SCD5: variants seen among roughly 807,000 people sequenced by gnomAD.
SCD5 encodes the protein stearoyl-CoA desaturase 5.
In SCD5, 20 loss-of-function variants were observed where a neutral mutation model predicts 30.4. The ratio of observed to expected loss-of-function variants is 0.66; its 90% CI spans 0.46 to 0.96. The LOEUF is 0.96. SCD5 is among the 40% of genes least tolerant of loss of function. The pLI is 0.00. For missense variants in SCD5, 381 were observed against 443.3 expected (o/e 0.86, Z 1.26); for synonymous variants, 173 against 176.4 (o/e 0.98, Z 0.16).
rs117464255 is a variant in SCD5, at chr4:82,727,770, C to T, written c.233-22357G>A. Reference sequence around the variant, plus strand: ...CGCCCAGACTGGAGTGCAGTGACCGCGATCTCGGTTCACTGCAACCTCCTC... The same window carrying T: ...CGCCCAGACTGGAGTGCAGTGACCGTGATCTCGGTTCACTGCAACCTCCTC... On this transcript the variant is annotated intron_variant, in intron 1 of 4. Transcript: ENST00000319540. 1.5e-4 allele frequency among the ~76,000 whole-genome samples: 23 copies of T among 152,260 alleles called. No homozygotes were observed. The East Asian group carries it at 3.5e-3, about 23-fold the overall frequency.
At chr4:82,754,956 C>T (rs1054744240) in intron 1 of SCD5, among the ~76,000 whole-genome samples, 1 of 152,144 alleles carries the variant, frequency 6.6e-6, no homozygotes, top group Non-Finnish European at 1.5e-5. Context: ...CCAAGCCCAC[C>T]ATGGACAGAG....
chr4:82,704,638 G>A (rs868192808), intron 2 of SCD5, among the ~76,000 whole-genome samples: 1 of 152,158 alleles, frequency 6.6e-6, no homozygotes, highest in African/African-American at 2.4e-5. Flanking sequence ...TATTTTTACA[G>A]ATTAAGAAAC....
intron 2 of SCD5, among the ~76,000 whole-genome samples, chr4:82,689,057 A>C (rs1728774038): frequency 6.6e-6 from 1 of 152,188 alleles, no homozygotes; most frequent in African/African-American, 2.4e-5. Flanking sequence ...TTGAGGGGGA[A>C]GAAAGGGCCT....
At chr4:82,683,779 A>C (rs1285848205) in intron 2 of SCD5, among the ~76,000 whole-genome samples, 10 of 152,122 alleles carry the variant, frequency 6.6e-5, no homozygotes, top group Non-Finnish European at 1.0e-4. Flanking sequence ...GATGGTTTAA[A>C]AGTGTGTGGC....
intron 2 of SCD5, among the ~76,000 whole-genome samples, chr4:82,681,145 G>A (rs1462929661): frequency 6.6e-5 from 10 of 152,182 alleles, no homozygotes; most frequent in East Asian, 1.9e-4. Context: ...CGTGTGGGAC[G>A]TACCCACTGC....
At chr4:82,679,430 A>G (rs1401527143) in intron 3 of SCD5, among the ~76,000 whole-genome samples, 4 of 152,142 alleles carry the variant, frequency 2.6e-5, no homozygotes, top group African/African-American at 9.7e-5. Flanking sequence ...CTACAGTGAA[A>G]CCAACAGAAA....
At chr4:82,759,608 G>A in intron 1 of SCD5, among the ~76,000 whole-genome samples, 1 of 146,292 alleles carries the variant, frequency 6.8e-6, no homozygotes. Context: ...GATTTCAGGT[G>A]TTCCTGTCCA....
chr4:82,798,187 G>C, intron 1 of SCD5, 119 bp downstream of exon 1: 1 of 1,077,836 alleles, frequency 9.3e-7, no homozygotes, highest in Non-Finnish European at 1.1e-6. Context: ...AGCGGGAGGC[G>C]AGGGGAGACC....
intron 3 of SCD5, among the ~76,000 whole-genome samples, chr4:82,640,034 C>T (rs1170788734): frequency 1.3e-5 from 2 of 152,182 alleles, no homozygotes; most frequent in Non-Finnish European, 2.9e-5. Flanking sequence ...GCCCCAGGCA[C>T]AGGGAGGTGC....
chr4:82,785,381 A>G (rs1366579085), intron 1 of SCD5, among the ~76,000 whole-genome samples: 2 of 152,242 alleles, frequency 1.3e-5, no homozygotes, highest in African/African-American at 2.4e-5. Flanking sequence ...GCTTTAAGAC[A>G]TCAAAGGAAT....
chr4:82,785,812 T>A (rs987271670), intron 1 of SCD5, among the ~76,000 whole-genome samples: 33 of 152,284 alleles, frequency 2.2e-4, no homozygotes, highest in Admixed American at 2.1e-3. Context: ...GGGGGAGATA[T>A]GTAGGCATTA....
chr4:82,671,462 A>T (rs1728321649), intron 3 of SCD5, among the ~76,000 whole-genome samples: 1 of 152,190 alleles, frequency 6.6e-6, no homozygotes, highest in Non-Finnish European at 1.5e-5. Context: ...CTCACATAGA[A>T]CATTCACCAA....
chr4:82,762,656 C>A (rs148272234), intron 1 of SCD5, among the ~76,000 whole-genome samples: 1 of 152,272 alleles, frequency 6.6e-6, no homozygotes, highest in East Asian at 1.9e-4. Flanking sequence ...AATAAGAGGC[C>A]ACTTGTTGTG....
rs200857402 is a variant in SCD5 at position 82,798,313 on chromosome 4, C to T, written c.225G>A (p.Leu75=). Residue 75 remains leucine (L), a synonymous_variant, in exon 1 of 5, where the codon CTG becomes CTA. Coordinates refer to ENST00000319540, the MANE Select transcript of SCD5 (RefSeq NM_001037582.3). The stretch of plus-strand genomic sequence containing the variant: ...GGCGCCGGCGGGACTTACCCCAGAG[C>T]AGAGTGAGTGGCTTGGCTTTGGGGA... ...VLIPKAKPLT[L]LWAYFCFLLA... 34 of 1,609,340 alleles carry T rather than the reference C, an allele frequency of 2.1e-5. No individual in the cohort carries two copies. The East Asian group carries it at 5.8e-4, about 28-fold the overall frequency.
At position 82,798,602 on chromosome 4, in the gene SCD5, G is replaced by C. The variant is rs1451230152; in HGVS notation, c.-65C>G. The C allele has an allele frequency of 1.4e-6, 2 of 1,401,816 alleles. No homozygotes were observed. Among genetic ancestry groups the C allele is most frequent in the African/African-American group, 2.9e-5 (2 of 68,934 alleles). The allele number at this position is 1,401,816 out of a possible 1,614,324, so 86.8% of individuals were successfully genotyped here. On this transcript the variant is annotated 5_prime_UTR_variant, in exon 1 of 5. Coordinates refer to ENST00000319540, the MANE Select transcript of SCD5 (RefSeq NM_001037582.3). ...CAGGCGCTCTGCCCGAGCGGAGCTC[G>C]AGGGTGGGGGCGGGGGCTTCTGCCT...
chr4:82,680,621 G>A (rs998294108), intron 3 of SCD5, 86 bp downstream of exon 3: 10 of 1,204,166 alleles, frequency 8.3e-6, no homozygotes, highest in East Asian at 4.7e-5. Flanking sequence ...TGAGAAGAAC[G>A]CTATGGGGTT....
At chr4:82,771,738 C>G (rs1325907736) in intron 1 of SCD5, among the ~76,000 whole-genome samples, 3 of 152,188 alleles carry the variant, frequency 2.0e-5, no homozygotes, top group Non-Finnish European at 4.4e-5. Flanking sequence ...CCCTTAAATC[C>G]TTCAGGGACA....
At chr4:82,651,886 C>T (rs1727763801) in intron 3 of SCD5, among the ~76,000 whole-genome samples, 1 of 152,196 alleles carries the variant, frequency 6.6e-6, no homozygotes, top group African/African-American at 2.4e-5. Flanking sequence ...GCACTTCAGC[C>T]TGGGTGACAA....
At chr4:82,686,008 C>G (rs2148822759) in intron 2 of SCD5, among the ~76,000 whole-genome samples, 1 of 150,120 alleles carries the variant, frequency 6.7e-6, no homozygotes, top group African/African-American at 2.5e-5. Flanking sequence ...ATGGCTTATG[C>G]ACTTTTTTTT....
Sources: gnomAD v4.1 joint callset for allele counts (sites outside exome capture counted in the v4.1 genomes callset) on GRCh38, gnomAD v4.1.1 for gene constraint, MANE v1.5 for transcripts, NCBI Gene and HGNC (gene_info 2026-07-23, HGNC 2026-07-21) for gene names.